The following UNC80 variants were observed in gnomAD, a reference collection of about 807,000 sequenced individuals.
The protein encoded by UNC80 is unc-80 subunit of NALCN channel complex, also known as protein unc-80 homolog.
UNC80 carries 164 observed loss-of-function variants against 384.6 expected under a neutral mutation model. The ratio of observed to expected loss-of-function variants is 0.43; its 90% CI spans 0.38 to 0.49. The LOEUF (loss-of-function observed/expected upper bound fraction) is 0.49, where lower values mean the gene tolerates loss of function less well. Ranked by LOEUF, UNC80 falls within the 20% of genes least tolerant of loss-of-function variation. The probability of loss-of-function intolerance (pLI) is 0.00; values close to 1 mark genes in which losing one functional copy is unlikely to be tolerated. For missense variants in UNC80, 3,330 were observed against 4,143.0 expected (o/e 0.80, Z 5.39); for synonymous variants, 1,486 against 1,527.8 (o/e 0.97, Z 0.64).
At chr2:209,808,017 G>C (rs1388927974) in intron 7 of UNC80, among the ~76,000 whole-genome samples, 1 of 152,158 alleles carries the variant, frequency 6.6e-6, no homozygotes, top group Non-Finnish European at 1.5e-5. Flanking sequence ...ATAAGATACG[G>C]ATATGTTTCT....
intron 61 of UNC80, among the ~76,000 whole-genome samples, chr2:209,989,324 CAA>C (rs5838190): frequency 0.017 from 2,392 of 140,836 alleles, 28 homozygotes; most frequent in Non-Finnish European, 0.024. Context: ...GACTCTGTCT[CAA>C]AAAAAAAAAA....
At chr2:209,858,625 C>G (rs554731208) in intron 22 of UNC80, among the ~76,000 whole-genome samples, 1 of 149,902 alleles carries the variant, frequency 6.7e-6, no homozygotes, top group Non-Finnish European at 1.5e-5. Flanking sequence ...ACCCAGGAAA[C>G]AGAGGTCGCA....
chr2:209,995,976 CATT>C lies in UNC80; in HGVS notation c.*384_*386del, dbSNP rs545442973. ...GAATGCAATTTTTTGAGATTACTCACATTATACATCTCATGCAAATATTTATTT... is the reference window on the plus strand; with the variant it reads ...GAATGCAATTTTTTGAGATTACTCACATACATCTCATGCAAATATTTATTT... On this transcript the variant is annotated 3_prime_UTR_variant, in exon 65 of 65. Transcript: ENST00000673920. 3.7e-3 allele frequency: 587 copies of C among 160,668 alleles called. 3 individuals carry two copies. Among genetic ancestry groups the C allele is most frequent in the African/African-American group, 0.013 (551 of 41,614 alleles). The allele number at this position is 160,668 out of a possible 1,614,324, so 10.0% of individuals were successfully genotyped here. A position where few individuals can be genotyped will look rare whatever the true frequency, so the allele number is the denominator to read the frequency against.
chr2:209,881,964 C>CTT (rs34822717), intron 25 of UNC80, among the ~76,000 whole-genome samples: 21 of 131,202 alleles, frequency 1.6e-4, no homozygotes, highest in East Asian at 6.4e-4. Context: ...ACCTCTCCTT[C>CTT]TTTTTTTTTT....
At chr2:209,883,890 T>A (rs749331234) in intron 25 of UNC80, among the ~76,000 whole-genome samples, 9 of 152,220 alleles carry the variant, frequency 5.9e-5, no homozygotes, top group Non-Finnish European at 7.3e-5. Flanking sequence ...CCTTCTTTTT[T>A]AAGGCTATAT....
At chr2:209,795,426 G>C (rs1215767819) in intron 7 of UNC80, 1 of 152,248 alleles carries the variant, frequency 6.6e-6, no homozygotes, top group African/African-American at 2.4e-5. Flanking sequence ...CCAATTTTCT[G>C]GGGAGAAATT....
chr2:209,964,474 T>C (rs1377536974), intron 51 of UNC80, among the ~76,000 whole-genome samples: 2 of 152,092 alleles, frequency 1.3e-5, no homozygotes, highest in Non-Finnish European at 2.9e-5. Context: ...AGAGTGTTGC[T>C]ACAGAGAATT....
At chr2:209,798,581 A>T (rs972176902) in intron 7 of UNC80, among the ~76,000 whole-genome samples, 2 of 152,088 alleles carry the variant, frequency 1.3e-5, no homozygotes, top group African/African-American at 4.8e-5. Flanking sequence ...GTATAGTTTG[A>T]AGTCAGATAG....
In UNC80 at chr2:209,855,315, A is replaced by T. The variant is rs147281571; in HGVS notation, c.3627+5692A>T. On this transcript the variant is annotated intron_variant, in intron 22 of 64. Transcript: ENST00000673920. ...GGCCTGTCAGCAGGGTTAGGGGGGC[A>T]GGGGAAGGGAGAGCATCAGGACAAA... 4.8e-3 allele frequency among the ~76,000 whole-genome samples: 734 copies of T among 152,032 alleles called. 8 individuals are homozygous for T. The highest frequency in any genetic ancestry group is 0.017 in the African/African-American group (700 of 41,538).
intron 22 of UNC80, among the ~76,000 whole-genome samples, chr2:209,854,209 C>T (rs1020313065): frequency 2.8e-4 from 43 of 151,132 alleles, no homozygotes; most frequent in African/African-American, 8.6e-4. Flanking sequence ...TTATGATTCT[C>T]GTTTGAATCA....
chr2:209,886,004 C>T (rs1211160667), intron 25 of UNC80, among the ~76,000 whole-genome samples: 1 of 152,004 alleles, frequency 6.6e-6, no homozygotes, highest in African/African-American at 2.4e-5. Context: ...GCCTCGTGAT[C>T]GGCCTGCCTT....
intron 13 of UNC80, among the ~76,000 whole-genome samples, chr2:209,823,176 G>A (rs1490346357): frequency 6.6e-6 from 1 of 152,150 alleles, no homozygotes; most frequent in Non-Finnish European, 1.5e-5. Flanking sequence ...AGCTTGGAAT[G>A]TTATTTAATA....
Position 209,818,303 on chromosome 2 carries a change from C to T in UNC80, c.1693+351C>T, listed in dbSNP as rs530758553. ...CTCTGAAGGGCTTGTATACCTTCAG[C>T]GGGAGGAAAGTCACTGCCTTCCAAG... On this transcript the variant is annotated intron_variant, in intron 11 of 64. Transcript: ENST00000673920. Among the ~76,000 whole-genome samples the T allele has an allele frequency of 4.0e-5, 6 of 151,582 alleles. No individual in the cohort carries two copies. The East Asian group carries it at 5.8e-4, about 15-fold the overall frequency.
intron 42 of UNC80, among the ~76,000 whole-genome samples, chr2:209,937,870 A>C (rs2091356485): frequency 6.6e-6 from 1 of 152,168 alleles, no homozygotes; most frequent in Admixed American, 6.6e-5. Flanking sequence ...ATTGAGTATA[A>C]ATAATAGAAA....
chr2:209,877,445 A>C (rs1210222016), intron 23 of UNC80, among the ~76,000 whole-genome samples: 1 of 152,222 alleles, frequency 6.6e-6, no homozygotes, highest in Non-Finnish European at 1.5e-5. Flanking sequence ...AAGGTCTATA[A>C]AAGAAGCCAA....
At chr2:209,951,116 G>A (rs1347700500) in intron 47 of UNC80, among the ~76,000 whole-genome samples, 1 of 152,062 alleles carries the variant, frequency 6.6e-6, no homozygotes, top group Non-Finnish European at 1.5e-5. Flanking sequence ...GCTGCAGTGA[G>A]CTGAGATTGC....
intron 14 of UNC80, among the ~76,000 whole-genome samples, chr2:209,827,726 T>C (rs2080646957): frequency 6.6e-6 from 1 of 152,194 alleles, no homozygotes; most frequent in East Asian, 1.9e-4. Flanking sequence ...TTCTCTACCA[T>C]TGGCCTTTCA....
In UNC80 at chr2:209,896,413, T is replaced by C. The variant is rs996946967; in HGVS notation, c.4581T>C (p.His1527=). Residue 1527 remains histidine (H), a splice_region_variant and synonymous_variant, in exon 28 of 65, where the codon CAT becomes CAC. Coordinates refer to ENST00000673920, the MANE Select transcript of UNC80 (RefSeq NM_001371986.1). ...ENYHRNMSWL[H]VMILLCNQQS... ...ACCACAGAAACATGTCGTGGCTTCA[T>C]GTAAGTAGGAATCTCAGAAACAGCC... is the stretch of plus-strand genomic sequence containing the variant. 2.6e-6 allele frequency: 4 copies of C among 1,551,024 alleles called. No individual in the cohort carries two copies. In the African/African-American group the frequency reaches 4.1e-5, roughly 16 times the overall value.
chr2:209,979,883 C>T (rs1053089742), intron 59 of UNC80, among the ~76,000 whole-genome samples: 1 of 152,000 alleles, frequency 6.6e-6, no homozygotes, highest in South Asian at 2.1e-4. Flanking sequence ...GTAGAAGAAA[C>T]GAGAGTTGAG....
Sources: allele counts gnomAD v4.1 joint callset (sites outside exome capture counted in the v4.1 genomes callset), GRCh38; gene constraint gnomAD v4.1.1; transcripts MANE v1.5; gene names NCBI Gene and HGNC (gene_info 2026-07-23, HGNC 2026-07-21).